The following GKAP1 variants were observed in gnomAD, a reference collection of about 807,000 sequenced individuals.
The protein encoded by GKAP1 is G kinase anchoring protein 1.
GKAP1 carries 31 observed loss-of-function variants against 56.7 expected under a neutral mutation model. The observed-to-expected ratio is 0.55, with a 90% CI of 0.41 to 0.74. GKAP1 has a LOEUF of 0.74. Among genes scored for constraint, GKAP1 ranks in the 30% least tolerant of loss-of-function variants. The pLI, the probability that GKAP1 is intolerant of heterozygous loss-of-function variation, is 0.00. For synonymous variants in GKAP1, 151 were observed against 138.6 expected, an observed-to-expected ratio of 1.09 and a Z score of -0.63; for missense variants, 364 against 402.3, an observed-to-expected ratio of 0.90 and a Z score of 0.82.
At chr9:83,765,062 A>G (rs1297121215) in intron 8 of GKAP1, among the ~76,000 whole-genome samples, 2 of 152,160 alleles carry the variant, frequency 1.3e-5, no homozygotes, top group Non-Finnish European at 2.9e-5. Flanking sequence ...ATAGGTCTGG[A>G]AGCCTAGGAG....
At chr9:83,778,846 T>C (rs2131283004) in intron 7 of GKAP1, among the ~76,000 whole-genome samples, 1 of 150,276 alleles carries the variant, frequency 6.7e-6, no homozygotes, top group South Asian at 2.1e-4. Flanking sequence ...AATTTTATTA[T>C]ATATCAGATT....
intron 7 of GKAP1, among the ~76,000 whole-genome samples, chr9:83,779,363 T>C (rs993420088): frequency 2.0e-5 from 3 of 149,984 alleles, no homozygotes; most frequent in Non-Finnish European, 4.4e-5. Context: ...TTTTAAGAGA[T>C]AGATTTCGTT....
At position 83,771,475 on chromosome 9, in the gene GKAP1, C is replaced by A. The variant is rs117809635; in HGVS notation, c.586-2505G>T. On this transcript the variant is annotated intron_variant, in intron 7 of 12. Coordinates refer to ENST00000376371, the MANE Select transcript of GKAP1 (RefSeq NM_025211.4). The stretch of plus-strand genomic sequence containing the variant: ...ATTCATACTTTTCACTTCACATTAT[C>A]TTAGAAAGTAAAGTGTTTGAAAAAA... 7.9e-3 allele frequency among the ~76,000 whole-genome samples: 1,209 copies of A among 152,260 alleles called. 30 individuals carry two copies. The highest frequency in any genetic ancestry group is 0.037 in the East Asian group (189 of 5,176).
At position 83,779,537 on chromosome 9, in the gene GKAP1, A is replaced by ATG. The variant is rs1458463659; in HGVS notation, c.585+844_585+845insCA. On this transcript the variant is annotated intron_variant, in intron 7 of 12. Coordinates refer to ENST00000376371, the MANE Select transcript of GKAP1 (RefSeq NM_025211.4). ...TATATATATACACGTGTATATGTGT[A>ATG]TATATATACACGTGTATATGTGTAT... Among the ~76,000 whole-genome samples the ATG allele has an allele frequency of 2.8e-4, 33 of 117,808 alleles. 1 individual carries two copies. The highest frequency in any genetic ancestry group is 5.3e-4 in the Non-Finnish European group (29 of 54,658). The allele number at this position is 117,808 out of a possible 152,430, so 77.3% of individuals were successfully genotyped here.
chr9:83,813,018 T>C (rs111647460), intron 2 of GKAP1, among the ~76,000 whole-genome samples: 15,481 of 152,162 alleles, frequency 0.1, 1,011 homozygotes, highest in Non-Finnish European at 0.14. Context: ...ATAGGGAGAC[T>C]AGGAAAACAT....
chr9:83,781,972 T>C (rs1239906509), intron 6 of GKAP1, among the ~76,000 whole-genome samples: 2 of 151,036 alleles, frequency 1.3e-5, no homozygotes, highest in Non-Finnish European at 3.0e-5. Flanking sequence ...GCCTCCCGAG[T>C]AGTTGGGACT....
chr9:83,783,551 G>A lies in GKAP1; in HGVS notation c.562+1164C>T, dbSNP rs377622875. 1.4e-4 allele frequency among the ~76,000 whole-genome samples: 21 copies of A among 152,284 alleles called. No individual in the cohort carries two copies. The East Asian group carries it at 4.0e-3, about 29-fold the overall frequency. On this transcript the variant is annotated intron_variant, in intron 6 of 12. Transcript: ENST00000376371. ...TTTGCAGTTTATCTTCAAAAGTTTA[G>A]TGGATAGTAAAATTCCTTCTGTCTT... is the stretch of plus-strand genomic sequence containing the variant.
chr9:83,747,993 A>AT (rs926033681), intron 10 of GKAP1, among the ~76,000 whole-genome samples: 22 of 151,788 alleles, frequency 1.4e-4, no homozygotes, highest in African/African-American at 4.6e-4. Flanking sequence ...CTTTTTTTCA[A>AT]TTTTTTTTAT....
chr9:83,756,470 C>CAAAAAAAAAAAAAAAAA (rs142896755), intron 8 of GKAP1, among the ~76,000 whole-genome samples: 17 of 75,434 alleles, frequency 2.3e-4, no homozygotes, highest in African/African-American at 3.5e-4. Context: ...GACTCCATCT[C>CAAAAAAAAAAAAAAAAA]AAAAAAAAAA....
At position 83,747,502 on chromosome 9, in the gene GKAP1, T is replaced by G. The variant is rs532773446; in HGVS notation, c.904+807A>C. On this transcript the variant is annotated intron_variant, in intron 10 of 12. Coordinates refer to ENST00000376371, the MANE Select transcript of GKAP1 (RefSeq NM_025211.4). ...TCCTAAGCAAATGTTAGGCTTGTTT[T>G]CCCTCTAAATATAGTTCAGTAAGTT... is the stretch of plus-strand genomic sequence containing the variant. Among the ~76,000 whole-genome samples the G allele has an allele frequency of 3.9e-5, 6 of 152,304 alleles. No individual in the cohort carries two copies. In the East Asian group the frequency reaches 1.2e-3, roughly 29 times the overall value.
chr9:83,779,481 A>ACACG (rs1564201546), intron 7 of GKAP1, among the ~76,000 whole-genome samples: 11 of 128,974 alleles, frequency 8.5e-5, no homozygotes, highest in South Asian at 2.3e-4. Flanking sequence ...ATACATATAC[A>ACACG]TACATATATA....
chr9:83,793,839 A>G (rs999502811), intron 4 of GKAP1, among the ~76,000 whole-genome samples: 1 of 152,212 alleles, frequency 6.6e-6, no homozygotes, highest in Non-Finnish European at 1.5e-5. Flanking sequence ...CATTTGAGTC[A>G]TCCATCTATT....
intron 8 of GKAP1, among the ~76,000 whole-genome samples, chr9:83,761,692 A>C (rs891926498): frequency 6.6e-6 from 1 of 152,136 alleles, no homozygotes; most frequent in Non-Finnish European, 1.5e-5. Flanking sequence ...CAACACATTA[A>C]AAAGATCATT....
At chr9:83,779,167 T>C (rs1036893561) in intron 7 of GKAP1, among the ~76,000 whole-genome samples, 1 of 151,878 alleles carries the variant, frequency 6.6e-6, no homozygotes, top group African/African-American at 2.4e-5. Flanking sequence ...CTTTCAAACA[T>C]GGAATTAATA....
intron 4 of GKAP1, among the ~76,000 whole-genome samples, chr9:83,798,867 A>G (rs1353853961): frequency 2.0e-5 from 3 of 152,026 alleles, no homozygotes; most frequent in Non-Finnish European, 4.4e-5. Context: ...TCTGCCCTAC[A>G]AATGTGATTT....
intron 7 of GKAP1, among the ~76,000 whole-genome samples, chr9:83,774,383 C>G (rs887708012): frequency 1.9e-4 from 29 of 151,580 alleles, no homozygotes; most frequent in African/African-American, 5.1e-4. Context: ...AGGTGGATCA[C>G]TTGAGCCCCG....
chr9:83,751,461 TTC>T (rs1943387674), intron 9 of GKAP1, among the ~76,000 whole-genome samples: 1 of 152,200 alleles, frequency 6.6e-6, no homozygotes, highest in African/African-American at 2.4e-5. Context: ...CATCTTTGTA[TTC>T]TCTGTGTCTA....
chr9:83,798,999 A>G (rs1944290269), intron 4 of GKAP1, among the ~76,000 whole-genome samples, 186 bp downstream of exon 4: 1 of 152,228 alleles, frequency 6.6e-6, no homozygotes, highest in African/African-American at 2.4e-5. Flanking sequence ...TAACATAAAC[A>G]ACAAATGTAT....
At chr9:83,758,852 T>C (rs1194170119) in intron 8 of GKAP1, among the ~76,000 whole-genome samples, 1 of 152,148 alleles carries the variant, frequency 6.6e-6, no homozygotes, top group Non-Finnish European at 1.5e-5. Context: ...ATTTTAACCT[T>C]GGAAAGCAGA....
Sources: allele counts gnomAD v4.1 joint callset (sites outside exome capture counted in the v4.1 genomes callset), GRCh38; gene constraint gnomAD v4.1.1; transcripts MANE v1.5; gene names NCBI Gene and HGNC (gene_info 2026-07-23, HGNC 2026-07-21).